Variants in CLIP1 observed in about 807,000 individuals in gnomAD.
The protein encoded by CLIP1 is CAP-Gly domain-containing linker protein 1.
Under a neutral mutation model 161.6 loss-of-function variants are expected in CLIP1, and 66 were observed. The observed-to-expected ratio is 0.41, with a 90% confidence interval of 0.33 to 0.50. CLIP1 has a LOEUF of 0.50. Among genes scored for constraint, CLIP1 ranks in the 20% least tolerant of loss-of-function variants. The pLI, the probability that CLIP1 is intolerant of heterozygous loss-of-function variation, is 0.27. For synonymous variants in CLIP1, 598 were observed against 626.2 expected, an observed-to-expected ratio of 0.96 and a Z score of 0.67; for missense variants, 1,376 against 1,702.0, an observed-to-expected ratio of 0.81 and a Z score of 3.37.
rs921050230 is a variant in CLIP1, at chr12:122,273,084, G to A, written c.4108C>T (p.Gln1370Ter). The A allele has an allele frequency of 2.4e-5, 38 of 1,613,774 alleles. No homozygotes were observed. The highest frequency in any genetic ancestry group is 2.8e-5 in the Non-Finnish European group (33 of 1,179,822). ...AAGAGGCGAGGTTTCTTCTTGGACT[G>A]TTTCTCCTGATCATCACTACAAATG... is the stretch of plus-strand genomic sequence containing the variant. ...NNYDSDDQEKQSKKKPRLFCD... is the reference protein window; with the variant it reads ...NNYDSDDQEK The change falls in exon 26 of 26, where the codon CAG becomes TAG. Residue 1370 changes from glutamine to a stop codon, truncating the protein, a stop_gained. Transcript: ENST00000620786. LOFTEE classifies it high-confidence loss of function.
chr12:122,349,164 T>A lies in CLIP1; in HGVS notation c.1402-1685A>T, dbSNP rs368635168. Among the ~76,000 whole-genome samples the A allele has an allele frequency of 7.9e-5, 12 of 152,304 alleles. No individual in the cohort carries two copies. In the South Asian group the frequency reaches 2.1e-3, roughly 26 times the overall value. The stretch of plus-strand genomic sequence containing the variant: ...GAAAAGAATCTAATCCTTATCTACA[T>A]AATTGGGGTCACAGCCTCAGGAGCT... On this transcript the variant is annotated intron_variant, in intron 9 of 25. Transcript: ENST00000620786.
At chr12:122,304,749 T>C (rs1273097724) in intron 20 of CLIP1, among the ~76,000 whole-genome samples, 1 of 152,192 alleles carries the variant, frequency 6.6e-6, no homozygotes, top group East Asian at 1.9e-4. Flanking sequence ...AAAAACTGTG[T>C]TCATAGCATT....
intron 20 of CLIP1, among the ~76,000 whole-genome samples, chr12:122,300,346 G>A (rs1950634950): frequency 6.6e-6 from 1 of 152,096 alleles, no homozygotes; most frequent in South Asian, 2.1e-4. Context: ...CAATGAGAAG[G>A]ACAGAGAGGG....
chr12:122,368,013 T>C (rs1294071467), intron 3 of CLIP1, among the ~76,000 whole-genome samples: 1 of 152,116 alleles, frequency 6.6e-6, no homozygotes, highest in Non-Finnish European at 1.5e-5. Flanking sequence ...TAGATTCCCA[T>C]GGCAAACACA....
chr12:122,352,126 C>G (rs530837312), intron 8 of CLIP1, among the ~76,000 whole-genome samples: 1 of 148,998 alleles, frequency 6.7e-6, no homozygotes, highest in Admixed American at 6.7e-5. Context: ...GGCACGATCT[C>G]GGCTCACTGC....
intron 21 of CLIP1, among the ~76,000 whole-genome samples, chr12:122,286,520 TAAA>T (rs57260606): frequency 2.5e-3 from 72 of 28,236 alleles, no homozygotes; most frequent in African/African-American, 7.4e-3. Context: ...GACTCTGTCT[TAAA>T]AAAAAAAAAA....
Position 122,412,149 on chromosome 12 carries a change from G to C in CLIP1, c.-107+10372C>G, listed in dbSNP as rs568252283. Among the ~76,000 whole-genome samples the C allele has an allele frequency of 3.5e-5, 5 of 142,600 alleles. No homozygotes were observed. The Admixed American group carries it at 3.6e-4, about 10-fold the overall frequency. The allele number at this position is 142,600 out of a possible 152,430, so 93.6% of individuals were successfully genotyped here. On this transcript the variant is annotated intron_variant, in intron 1 of 25. Coordinates refer to ENST00000620786, the MANE Select transcript of CLIP1 (RefSeq NM_001247997.2). ...AATGGCACAATCATGGCTTACTGCA[G>C]CCTCAACCTCCTGGGCTCAAGGAAT...
At chr12:122,420,734 G>A (rs1045687497) in intron 1 of CLIP1, among the ~76,000 whole-genome samples, 5 of 151,990 alleles carry the variant, frequency 3.3e-5, no homozygotes, top group East Asian at 2.0e-4. Flanking sequence ...CCAGGAGTTC[G>A]AAATCAGCCT....
intron 16 of CLIP1, 42 bp from the exon 17 acceptor site, chr12:122,328,204 C>T (rs1363387350): frequency 5.6e-6 from 9 of 1,613,196 alleles, no homozygotes; most frequent in Middle Eastern, 1.7e-4. Context: ...TCTGCCCATG[C>T]GTGTACTATC....
Position 122,355,207 on chromosome 12 carries a change from G to T in CLIP1, c.1111C>A (p.Arg371=). ...GCCACCTCCGCCCTCTCCAGATCCC[G>T]TTCCGCCAGCAGCTGCTCAATGTGC... The part of the protein sequence containing the change: ...QQHIEQLLAE[R]DLERAEVAKA... Residue 371 remains arginine, a synonymous_variant, in exon 6 of 26, where the codon CGG becomes AGG. Coordinates refer to ENST00000620786, the MANE Select transcript of CLIP1 (RefSeq NM_001247997.2). This position sits in a 1 kb window ranked among gnomAD's most constrained non-coding sequence, Gnocchi z 4.1. 2 of 1,614,204 alleles carry T rather than the reference G, an allele frequency of 1.2e-6. No homozygotes were observed. Among genetic ancestry groups the T allele is most frequent in the Non-Finnish European group, 1.7e-6 (2 of 1,180,034 alleles).
intron 15 of CLIP1, among the ~76,000 whole-genome samples, chr12:122,328,877 G>C (rs1951817379): frequency 6.6e-6 from 1 of 152,136 alleles, no homozygotes; most frequent in African/African-American, 2.4e-5. Context: ...CACCATGCCT[G>C]GGCACAAGAA....
intron 21 of CLIP1, among the ~76,000 whole-genome samples, chr12:122,287,417 T>C (rs1332773497): frequency 6.6e-6 from 1 of 152,148 alleles, no homozygotes; most frequent in Non-Finnish European, 1.5e-5. Context: ...CATGGAGAAA[T>C]TACTGGTTAT....
chr12:122,301,316 T>C (rs938790558), intron 20 of CLIP1, among the ~76,000 whole-genome samples: 1 of 152,236 alleles, frequency 6.6e-6, no homozygotes, highest in Non-Finnish European at 1.5e-5. Context: ...ATATGAGCAT[T>C]ATTTGTTCTA....
At chr12:122,280,264 G>A (rs536670749) in intron 21 of CLIP1, 1 of 152,144 alleles carries the variant, frequency 6.6e-6, no homozygotes, top group African/African-American at 2.4e-5. Flanking sequence ...AGTAGAGATG[G>A]GGTTTCACCA....
chr12:122,282,662 T>C (rs192145474), intron 21 of CLIP1, among the ~76,000 whole-genome samples: 116 of 143,858 alleles, frequency 8.1e-4, no homozygotes, highest in African/African-American at 3.3e-3. Context: ...TATGTGTGTG[T>C]TTGTGTGTGT....
At chr12:122,344,999 A>G (rs1952678927) in intron 10 of CLIP1, among the ~76,000 whole-genome samples, 1 of 151,782 alleles carries the variant, frequency 6.6e-6, no homozygotes, top group South Asian at 2.1e-4. Flanking sequence ...GCAGGAAAAA[A>G]AACATCAAAA....
rs1490098812 is a variant in CLIP1 at position 122,355,396 on chromosome 12, G to C, written c.1006-84C>G. 2.4e-6 allele frequency: 3 copies of C among 1,265,878 alleles called. No homozygotes were observed. Among genetic ancestry groups the C allele is most frequent in the Non-Finnish European group, 3.4e-6 (3 of 891,448 alleles). The allele number at this position is 1,265,878 out of a possible 1,614,324, so 78.4% of individuals were successfully genotyped here. A position where few individuals can be genotyped will look rare whatever the true frequency, so the allele number is the denominator to read the frequency against. On this transcript the variant is annotated intron_variant, in intron 5 of 25. Transcript: ENST00000620786. This position sits in a 1 kb window ranked among gnomAD's most constrained non-coding sequence, Gnocchi z 4.1. ...CGCGATGCATGCATGGCGGGCATCTGCTCGGCAAAGCAAGGGCGCTGCTCC... is the reference window on the plus strand; with the variant it reads ...CGCGATGCATGCATGGCGGGCATCTCCTCGGCAAAGCAAGGGCGCTGCTCC...
At chr12:122,406,785 G>T (rs1347983429) in intron 1 of CLIP1, among the ~76,000 whole-genome samples, 1 of 151,858 alleles carries the variant, frequency 6.6e-6, no homozygotes, top group Non-Finnish European at 1.5e-5. Context: ...ATAAGACAAT[G>T]TTTTTTTTAG....
intron 9 of CLIP1, among the ~76,000 whole-genome samples, chr12:122,350,080 T>C (rs1200183980): frequency 6.6e-6 from 1 of 151,140 alleles, no homozygotes. Context: ...AATTTTTGTA[T>C]TTTTAGTAGA....
Sources: gnomAD v4.1 joint callset for allele counts (sites outside exome capture counted in the v4.1 genomes callset) on GRCh38, gnomAD v4.1.1 for gene constraint, Gnocchi (gnomAD v3.1) non-coding constraint, MANE v1.5 for transcripts, NCBI Gene and HGNC (gene_info 2026-07-23, HGNC 2026-07-21) for gene names.